Variants in TANK observed in about 807,000 individuals in gnomAD.
TANK encodes the protein TRAF family member associated NFKB activator.
In TANK, 15 loss-of-function variants were observed where a neutral mutation model predicts 43.6. That is an observed-to-expected ratio of 0.34 (90% CI 0.23 to 0.53). The LOEUF (loss-of-function observed/expected upper bound fraction) is 0.53, where lower values mean the gene tolerates loss of function less well. Ranked by LOEUF, TANK falls within the 20% of genes least tolerant of loss-of-function variation. TANK has a pLI of 0.94. For synonymous variants in TANK, 162 were observed against 178.2 expected (o/e 0.91, Z 0.73); for missense variants, 417 against 498.6 (o/e 0.84, Z 1.56).
At chr2:161,148,537 TTGG>T (rs1683980578) in intron 1 of TANK, among the ~76,000 whole-genome samples, 1 of 152,198 alleles carries the variant, frequency 6.6e-6, no homozygotes, top group African/African-American at 2.4e-5. Context: ...TTAAGTCAAA[TTGG>T]TTTGTTTTCT....
rs1336893435 is a variant in TANK, at chr2:161,236,170, G to T, written c.*652G>T. The T allele has an allele frequency of 2.0e-5, 3 of 146,880 alleles. No individual in the cohort carries two copies. The highest frequency in any genetic ancestry group is 6.8e-5 in the Admixed American group (1 of 14,642). The allele number at this position is 146,880 out of a possible 1,614,324, so 9.1% of individuals were successfully genotyped here. A position where few individuals can be genotyped will look rare whatever the true frequency, so the allele number is the denominator to read the frequency against. ...GATGAAATTAATTAAATATTAAGAG[G>T]TACTTATGTTGTGATCATTTGTATG... is the stretch of plus-strand genomic sequence containing the variant. On this transcript the variant is annotated 3_prime_UTR_variant, in exon 8 of 8. Transcript: ENST00000392749.
At chr2:161,187,522 A>G (rs1156741399) in intron 2 of TANK, among the ~76,000 whole-genome samples, 2 of 152,096 alleles carry the variant, frequency 1.3e-5, no homozygotes, top group Non-Finnish European at 2.9e-5. Flanking sequence ...GCAAATATTA[A>G]CAGTTATATA....
chr2:161,224,554 G>T, intron 5 of TANK, 77 bp from the exon 6 acceptor site: 2 of 536,386 alleles, frequency 3.7e-6, no homozygotes, highest in Admixed American at 3.3e-5. Flanking sequence ...ACATAAAATG[G>T]TACTACATAA....
intron 2 of TANK, chr2:161,203,045 G>A (rs1017492998): frequency 1.7e-5 from 4 of 235,426 alleles, no homozygotes; most frequent in Non-Finnish European, 3.5e-5. Context: ...TAGTGTTTGT[G>A]TACTCTAAAA....
intron 2 of TANK, among the ~76,000 whole-genome samples, chr2:161,187,194 G>C (rs1203874179): frequency 1.3e-5 from 2 of 152,140 alleles, no homozygotes; most frequent in Admixed American, 6.5e-5. Flanking sequence ...GGGAGGCTGA[G>C]GCAGGTGGGT....
At chr2:161,185,304 T>C (rs1244570092) in intron 2 of TANK, among the ~76,000 whole-genome samples, 1 of 151,980 alleles carries the variant, frequency 6.6e-6, no homozygotes, top group East Asian at 1.9e-4. Flanking sequence ...GCCAATTGCA[T>C]TTGGCTATGT....
intron 2 of TANK, chr2:161,200,414 A>G: frequency 1.1e-6 from 1 of 911,838 alleles, no homozygotes; most frequent in Non-Finnish European, 1.3e-6. Context: ...TAATCAAATG[A>G]AAAAAAAAAG....
At chr2:161,160,375 C>T (rs996763430), upstream of TANK, 26 of 1,205,694 alleles carry the variant, frequency 2.2e-5, no homozygotes, top group Non-Finnish European at 2.6e-5. Context: ...AATGGCTCCG[C>T]GCGCAGGCAC....
At chr2:161,149,343 T>C (rs1684007145) in intron 1 of TANK, among the ~76,000 whole-genome samples, 2 of 152,226 alleles carry the variant, frequency 1.3e-5, no homozygotes, top group Non-Finnish European at 2.9e-5. Flanking sequence ...TCATACCCTG[T>C]AACTTTGCTA....
intron 1 of TANK, among the ~76,000 whole-genome samples, chr2:161,175,498 A>G (rs752200571): frequency 5.3e-5 from 8 of 152,184 alleles, no homozygotes; most frequent in Non-Finnish European, 8.8e-5. Context: ...GCTGTTCCCC[A>G]TATGGTGCCT....
At chr2:161,155,898 A>G (rs1292886186), upstream of TANK, 2 of 295,176 alleles carry the variant, frequency 6.8e-6, no homozygotes, top group Non-Finnish European at 1.0e-5. Flanking sequence ...ACAGTGTCTT[A>G]GTGATCTTTC....
intron 6 of TANK, among the ~76,000 whole-genome samples, chr2:161,226,099 G>C (rs985497115): frequency 1.3e-5 from 2 of 152,062 alleles, no homozygotes; most frequent in African/African-American, 4.8e-5. Context: ...TCATAAACAT[G>C]CTTTTTTGAA....
At chr2:161,187,249 A>C (rs1370046033) in intron 2 of TANK, among the ~76,000 whole-genome samples, 1 of 152,096 alleles carries the variant, frequency 6.6e-6, no homozygotes, top group East Asian at 1.9e-4. Context: ...CAACATGACA[A>C]AATCCCATCT....
chr2:161,199,888 A>C (rs569115479), intron 2 of TANK, among the ~76,000 whole-genome samples: 1 of 152,308 alleles, frequency 6.6e-6, no homozygotes, highest in South Asian at 2.1e-4. Flanking sequence ...TATACAAATA[A>C]CATAATAATA....
At chr2:161,216,118 T>C (rs748561538) in intron 4 of TANK, among the ~76,000 whole-genome samples, 2 of 152,204 alleles carry the variant, frequency 1.3e-5, no homozygotes, top group Non-Finnish European at 2.9e-5. Flanking sequence ...TAGTTTCCTC[T>C]AAGTAATTCC....
intron 4 of TANK, chr2:161,216,435 C>G (rs1244837991): frequency 4.3e-6 from 2 of 469,678 alleles, no homozygotes; most frequent in Non-Finnish European, 8.8e-6. Flanking sequence ...CTCATCTTAT[C>G]CTGAGCCGTA....
At chr2:161,233,307 G>C (rs1207622102) in intron 7 of TANK, among the ~76,000 whole-genome samples, 2 of 152,096 alleles carry the variant, frequency 1.3e-5, no homozygotes, top group Admixed American at 1.3e-4. Context: ...TGAGGTGGGA[G>C]GATTGCTTGA....
chr2:161,225,204 C>CT (rs1687550357), intron 6 of TANK, among the ~76,000 whole-genome samples: 1 of 151,932 alleles, frequency 6.6e-6, no homozygotes, highest in Non-Finnish European at 1.5e-5. Context: ...ATTACATACA[C>CT]TATGGATAGA....
At chr2:161,230,915 G>C in intron 6 of TANK, 56 bp from the exon 7 acceptor site, 1 of 1,383,574 alleles carries the variant, frequency 7.2e-7, no homozygotes, top group South Asian at 1.2e-5. Context: ...TGATTGAACA[G>C]ATTTTTTTAA....
Sources: allele counts gnomAD v4.1 joint callset (sites outside exome capture counted in the v4.1 genomes callset), GRCh38; gene constraint gnomAD v4.1.1; transcripts MANE v1.5; gene names NCBI Gene and HGNC (gene_info 2026-07-23, HGNC 2026-07-21).